GPR149: variants seen among roughly 807,000 people sequenced by gnomAD.
GPR149 encodes G protein-coupled receptor 149.
A neutral mutation model predicts 50.2 loss-of-function variants in GPR149; 50 were observed. That is an observed-to-expected ratio of 1.00 (90% CI 0.79 to 1.26). The LOEUF is 1.26. Ranked by LOEUF, GPR149 falls within the 50% of genes most tolerant of loss-of-function variation. The pLI is 0.00. For missense variants in GPR149, 983 were observed against 895.4 expected, an observed-to-expected ratio of 1.10 and a Z score of -1.25; for synonymous variants, 405 against 358.2, an observed-to-expected ratio of 1.13 and a Z score of -1.48.
intron 3 of GPR149, among the ~76,000 whole-genome samples, chr3:154,347,657 A>G (rs1559970009): frequency 6.6e-6 from 1 of 152,234 alleles, no homozygotes; most frequent in Non-Finnish European, 1.5e-5. Flanking sequence ...ACAAATTTAT[A>G]TGTGAAGACA....
chr3:154,357,246 C>T (rs541706690), intron 3 of GPR149, among the ~76,000 whole-genome samples: 1 of 152,174 alleles, frequency 6.6e-6, no homozygotes, highest in East Asian at 1.9e-4. Flanking sequence ...AAAACCTAGG[C>T]AATACCATTC....
rs974489807 is a variant in GPR149, at chr3:154,335,950, T to C, written c.*1749A>G. The C allele has an allele frequency of 3.3e-5, 5 of 152,076 alleles. No individual in the cohort carries two copies. Among genetic ancestry groups the C allele is most frequent in the Admixed American group, 1.3e-4 (2 of 15,272 alleles). 9.4% of individuals were successfully genotyped at this position (152,076 alleles called of 1,614,324 possible). On this transcript the variant is annotated 3_prime_UTR_variant, in exon 4 of 4. Transcript: ENST00000389740. The stretch of plus-strand genomic sequence containing the variant: ...TCTTCTACAAAGCATTATGAGAATA[T>C]TCAATTCAATTTTTCTTTTATAAAG...
chr3:154,341,065 A>G (rs1713781583), intron 3 of GPR149, among the ~76,000 whole-genome samples: 1 of 151,920 alleles, frequency 6.6e-6, no homozygotes, highest in South Asian at 2.1e-4. Context: ...ATAAACCACA[A>G]GTTAAAGGGT....
chr3:154,414,668 G>GTA (rs776675291), intron 3 of GPR149, among the ~76,000 whole-genome samples: 29 of 152,114 alleles, frequency 1.9e-4, no homozygotes, highest in Non-Finnish European at 3.5e-4. Flanking sequence ...TCAACATCAT[G>GTA]TACCTTTTGA....
intron 3 of GPR149, among the ~76,000 whole-genome samples, chr3:154,357,179 A>G (rs543669658): frequency 6.6e-6 from 1 of 152,288 alleles, no homozygotes; most frequent in East Asian, 1.9e-4. Context: ...ACAAAAATTA[A>G]TTCAAGATGG....
chr3:154,361,866 T>C (rs1049364057), intron 3 of GPR149, among the ~76,000 whole-genome samples: 2 of 152,210 alleles, frequency 1.3e-5, no homozygotes, highest in Admixed American at 6.5e-5. Flanking sequence ...CAGTCTTAGA[T>C]TGGTGCTGAA....
At chr3:154,340,785 C>T (rs1023916209) in intron 3 of GPR149, among the ~76,000 whole-genome samples, 3 of 152,144 alleles carry the variant, frequency 2.0e-5, no homozygotes, top group South Asian at 2.1e-4. Context: ...GCAATGGCGC[C>T]GTCTCGGCTC....
In GPR149 at chr3:154,387,877, C is replaced by T. The variant is rs774313646; in HGVS notation, c.1623+33162G>A. 2.6e-5 allele frequency among the ~76,000 whole-genome samples: 4 copies of T among 152,050 alleles called. No individual in the cohort carries two copies. The South Asian group carries it at 6.2e-4, about 24-fold the overall frequency. On this transcript the variant is annotated intron_variant, in intron 3 of 3. Coordinates refer to ENST00000389740, the MANE Select transcript of GPR149 (RefSeq NM_001038705.3). ...GCTGTTTCTATTATTAAACAATACA[C>T]GTCTTGTGAACCTCTATGGCATGAC...
intron 3 of GPR149, among the ~76,000 whole-genome samples, chr3:154,377,483 C>G (rs1714820693): frequency 6.6e-6 from 1 of 151,802 alleles, no homozygotes; most frequent in Admixed American, 6.6e-5. Flanking sequence ...TCTCCTGCCT[C>G]AGCTTCCTGA....
intron 3 of GPR149, among the ~76,000 whole-genome samples, chr3:154,340,319 A>C (rs568156631): frequency 6.6e-6 from 1 of 152,360 alleles, no homozygotes; most frequent in South Asian, 2.1e-4. Context: ...AAAGAACTTC[A>C]TTGACTCTAC....
At chr3:154,338,538 G>A (rs1368668625) in intron 3 of GPR149, among the ~76,000 whole-genome samples, 1 of 152,152 alleles carries the variant, frequency 6.6e-6, no homozygotes, top group African/African-American at 2.4e-5. Flanking sequence ...GCAAAGGTGT[G>A]TACTGATGGG....
At chr3:154,373,292 C>A (rs908644908) in intron 3 of GPR149, among the ~76,000 whole-genome samples, 1 of 152,068 alleles carries the variant, frequency 6.6e-6, no homozygotes, top group Non-Finnish European at 1.5e-5. Context: ...AGGATAAGAA[C>A]TGAAAAGCTC....
At chr3:154,407,274 T>C (rs988127190) in intron 3 of GPR149, among the ~76,000 whole-genome samples, 2 of 152,050 alleles carry the variant, frequency 1.3e-5, no homozygotes, top group African/African-American at 4.8e-5. Flanking sequence ...AAATGTAATA[T>C]AAAATGAAGG....
intron 3 of GPR149, among the ~76,000 whole-genome samples, chr3:154,356,837 A>C (rs1302995327): frequency 2.6e-5 from 4 of 152,184 alleles, no homozygotes; most frequent in African/African-American, 7.2e-5. Context: ...ACTACTTTAA[A>C]GTTCATATGG....
At chr3:154,419,224 T>C (rs1712072371) in intron 3 of GPR149, among the ~76,000 whole-genome samples, 1 of 152,066 alleles carries the variant, frequency 6.6e-6, no homozygotes, top group Non-Finnish European at 1.5e-5. Flanking sequence ...TTTTATACTT[T>C]ACATAAATCA....
At chr3:154,354,084 C>T in intron 3 of GPR149, 2 of 459,200 alleles carry the variant, frequency 4.4e-6, no homozygotes, top group South Asian at 3.7e-5. Context: ...GAGAATTTAT[C>T]TGAAAGTCTA....
chr3:154,399,564 G>A (rs1191195332), intron 3 of GPR149, among the ~76,000 whole-genome samples: 2 of 152,068 alleles, frequency 1.3e-5, no homozygotes, highest in African/African-American at 4.8e-5. Flanking sequence ...AGAGTTCCAG[G>A]TAGAACTTTA....
At chr3:154,425,894 T>C (rs1232052773) in intron 2 of GPR149, among the ~76,000 whole-genome samples, 1 of 152,154 alleles carries the variant, frequency 6.6e-6, no homozygotes, top group African/African-American at 2.4e-5. Flanking sequence ...TTTTCAGCTC[T>C]GAGATGGGTG....
rs16823943 is a variant in GPR149, at chr3:154,382,847, C to T, written c.1623+38192G>A. Among the ~76,000 whole-genome samples the T allele has an allele frequency of 3.6e-3, 542 of 152,226 alleles. 22 individuals carry two copies. The East Asian group carries it at 0.094, about 26-fold the overall frequency. On this transcript the variant is annotated intron_variant, in intron 3 of 3. Coordinates refer to ENST00000389740, the MANE Select transcript of GPR149 (RefSeq NM_001038705.3). ...AAATGTTTCAACAAAATTGTTGGCA[C>T]ACTAGAAAATTTATTACATTCAGTG...
Sources: gnomAD v4.1 joint callset for allele counts (sites outside exome capture counted in the v4.1 genomes callset) on GRCh38, gnomAD v4.1.1 for gene constraint, MANE v1.5 for transcripts, NCBI Gene and HGNC (gene_info 2026-07-23, HGNC 2026-07-21) for gene names.